UTRN: variants seen among roughly 807,000 people sequenced by gnomAD.
UTRN encodes the protein utrophin.
UTRN carries 283 observed loss-of-function variants against 463.9 expected under a neutral mutation model. That is an observed-to-expected ratio of 0.61 (90% CI 0.55 to 0.67). UTRN has a LOEUF of 0.67. UTRN is among the 30% of genes least tolerant of loss of function. The probability of loss-of-function intolerance (pLI) is 0.00; values close to 1 mark genes in which losing one functional copy is unlikely to be tolerated. For synonymous variants in UTRN, 1,442 were observed against 1,431.5 expected, an observed-to-expected ratio of 1.01 and a Z score of -0.17; for missense variants, 3,922 against 4,084.3, an observed-to-expected ratio of 0.96 and a Z score of 1.08.
chr6:144,489,401 G>A (rs781085788), intron 30 of UTRN, among the ~76,000 whole-genome samples: 2 of 151,970 alleles, frequency 1.3e-5, no homozygotes, highest in Non-Finnish European at 2.9e-5. Context: ...CACCTTCCTC[G>A]GCCTCCCAAA....
intron 51 of UTRN, among the ~76,000 whole-genome samples, chr6:144,604,106 A>G (rs529824513): frequency 1.1e-4 from 16 of 152,314 alleles, no homozygotes; most frequent in African/African-American, 3.6e-4. Context: ...TTCGAGGTCT[A>G]TGAGCCCTTT....
intron 74 of UTRN, among the ~76,000 whole-genome samples, 153 bp downstream of exon 74, chr6:144,846,980 G>A (rs1782075715): frequency 6.6e-6 from 1 of 152,210 alleles, no homozygotes. Flanking sequence ...ACAACAGTTT[G>A]TCAGTCTGGG....
intron 53 of UTRN, among the ~76,000 whole-genome samples, chr6:144,713,170 A>G (rs1785924606): frequency 6.6e-6 from 1 of 152,226 alleles, no homozygotes; most frequent in South Asian, 2.1e-4. Context: ...AATGCTCCTA[A>G]GAGCATTTCC....
Position 144,291,768 on chromosome 6 carries a change from G to A in UTRN, c.-61G>A. On this transcript the variant is annotated 5_prime_UTR_variant, in exon 2 of 75. Transcript: ENST00000367545. ...ATGTCAAGCTGAACCATCGTAGGAA[G>A]TTGAAAGCCTTAGAAAGAGGACTTG... 6.6e-7 allele frequency: 1 copy of A among 1,523,572 alleles called. No individual in the cohort carries two copies. The highest frequency in any genetic ancestry group is 1.4e-5 in the African/African-American group (1 of 72,138). 94.4% of individuals were successfully genotyped at this position (1,523,572 alleles called of 1,614,324 possible). A position where few individuals can be genotyped will look rare whatever the true frequency, so the allele number is the denominator to read the frequency against.
In UTRN at chr6:144,749,281, T is replaced by C. The variant is rs1322949833; in HGVS notation, c.8208+767T>C. 1.3e-5 allele frequency among the ~76,000 whole-genome samples: 2 copies of C among 152,194 alleles called. 1 individual carries two copies. Among genetic ancestry groups the C allele is most frequent in the East Asian group, 3.8e-4 (2 of 5,204 alleles). ...AGTGTAGTCAGATAAAAATAAGTACTGAATTTTGCTAAATATTATTAAATA... is the reference window on the plus strand; with the variant it reads ...AGTGTAGTCAGATAAAAATAAGTACCGAATTTTGCTAAATATTATTAAATA... On this transcript the variant is annotated intron_variant, in intron 55 of 74. Coordinates refer to ENST00000367545, the MANE Select transcript of UTRN (RefSeq NM_007124.3).
At chr6:144,373,970 T>C (rs1401131290) in intron 2 of UTRN, among the ~76,000 whole-genome samples, 1 of 152,184 alleles carries the variant, frequency 6.6e-6, no homozygotes, top group African/African-American at 2.4e-5. Context: ...TTACCGTGGG[T>C]GTATGTGTTA....
chr6:144,846,604 CA>C (rs1039944522), intron 73 of UTRN, among the ~76,000 whole-genome samples, 200 bp from the exon 74 acceptor site: 1 of 151,984 alleles, frequency 6.6e-6, no homozygotes, highest in African/African-American at 2.4e-5. Context: ...AGAAACTAAC[CA>C]GGAAAACTAG....
intron 51 of UTRN, among the ~76,000 whole-genome samples, chr6:144,612,081 T>C (rs1206690277): frequency 6.6e-6 from 1 of 152,096 alleles, no homozygotes; most frequent in Non-Finnish European, 1.5e-5. Context: ...ACATTTATAG[T>C]CAACTGATTT....
At chr6:144,842,110 C>CAAAAAAAAAAAA (rs35954430) in intron 73 of UTRN, among the ~76,000 whole-genome samples, 1 of 62,066 alleles carries the variant, frequency 1.6e-5, no homozygotes, top group Non-Finnish European at 3.4e-5. Context: ...ACTTCCTCTC[C>CAAAAAAAAAAAA]AAAAAAAAAA....
intron 9 of UTRN, among the ~76,000 whole-genome samples, chr6:144,431,271 T>G (rs1179093223): frequency 6.6e-6 from 1 of 152,222 alleles, no homozygotes; most frequent in Non-Finnish European, 1.5e-5. Context: ...TTTCATGATG[T>G]GTAGATAAAA....
chr6:144,644,020 GAA>G (rs1404265390), intron 51 of UTRN, among the ~76,000 whole-genome samples: 1 of 152,002 alleles, frequency 6.6e-6, no homozygotes, highest in African/African-American at 2.4e-5. Flanking sequence ...TCTTAATATT[GAA>G]TCACGTATGA....
chr6:144,338,525 A>T (rs1379255816), intron 2 of UTRN, among the ~76,000 whole-genome samples: 1 of 152,078 alleles, frequency 6.6e-6, no homozygotes, highest in East Asian at 1.9e-4. Flanking sequence ...CTTAGTTCTG[A>T]TTGTAGGGAG....
chr6:144,538,483 A>G (rs1239502493), intron 44 of UTRN, among the ~76,000 whole-genome samples: 3 of 149,784 alleles, frequency 2.0e-5, no homozygotes, highest in Admixed American at 6.7e-5. Flanking sequence ...TCTGGCTAAC[A>G]TGGTGAAACC....
chr6:144,669,407 T>C (rs1780760598), intron 51 of UTRN, among the ~76,000 whole-genome samples: 1 of 152,190 alleles, frequency 6.6e-6, no homozygotes, highest in African/African-American at 2.4e-5. Context: ...CCAATTAAAG[T>C]ATGTACTTTT....
rs755364434 is a variant in UTRN, at chr6:144,678,482, C to T, written c.7556C>T (p.Ala2519Val). 3 of 1,613,330 alleles carry T rather than the reference C, an allele frequency of 1.9e-6. No individual in the cohort carries two copies. The East Asian group carries it at 6.7e-5, about 36-fold the overall frequency. Reference sequence around the variant, plus strand: ...GGAAACAGGCAGAAGATGGTAAAAGCTTTGGGAAATTCTGAAGAGGCTACT... The same window carrying T: ...GGAAACAGGCAGAAGATGGTAAAAGTTTTGGGAAATTCTGAAGAGGCTACT... ...IDGNRQKMVK[A>V]LGNSEEATML... is the part of the protein sequence containing the mutation. The change falls in exon 52 of 75, where the codon GCT becomes GTT. Residue 2519 changes from alanine to valine, a missense_variant. Ala to Val is a moderately conservative substitution (Grantham distance 64, BLOSUM62 0). This residue lies in a region of UTRN where 1,309 missense variants were observed against 1,452.6 expected (regional missense o/e 0.90). Transcript: ENST00000367545.
intron 32 of UTRN, 38 bp from the exon 33 acceptor site, chr6:144,493,263 C>T (rs781688542): frequency 6.2e-7 from 1 of 1,606,114 alleles, no homozygotes; most frequent in South Asian, 1.1e-5. Context: ...GTTGTCACCA[C>T]AGTGTGTAAT....
intron 2 of UTRN, among the ~76,000 whole-genome samples, chr6:144,395,518 A>ATT (rs1782327710): frequency 6.6e-6 from 1 of 152,030 alleles, no homozygotes; most frequent in African/African-American, 2.4e-5. Context: ...TAGAAAGTGC[A>ATT]AGTAGAAAAA....
chr6:144,622,787 C>T (rs1418865232), intron 51 of UTRN, among the ~76,000 whole-genome samples: 3 of 152,112 alleles, frequency 2.0e-5, no homozygotes, highest in Non-Finnish European at 2.9e-5. Flanking sequence ...CTCTAGAAAA[C>T]AGGAAAGGAT....
At chr6:144,827,301 T>C (rs763216796) in intron 66 of UTRN, 47 bp from the exon 67 acceptor site, 3 of 1,609,886 alleles carry the variant, frequency 1.9e-6, no homozygotes, top group South Asian at 2.2e-5. Flanking sequence ...TAAATTGCTC[T>C]AAAGTGTTTG....
Sources: gnomAD v4.1 joint callset for allele counts (sites outside exome capture counted in the v4.1 genomes callset) on GRCh38, gnomAD v4.1.1 for gene constraint, gnomAD v4.1.1 regional missense constraint, MANE v1.5 for transcripts, NCBI Gene and HGNC (gene_info 2026-07-23, HGNC 2026-07-21) for gene names.